ACACA: variants seen among roughly 807,000 people sequenced by gnomAD.
ACACA encodes acetyl-CoA carboxylase alpha, also known as acetyl-CoA carboxylase 1.
In ACACA, 103 loss-of-function variants were observed where a neutral mutation model predicts 296.1. The ratio of observed to expected loss-of-function variants is 0.35; its 90% CI spans 0.30 to 0.41. The LOEUF (loss-of-function observed/expected upper bound fraction) is 0.41, where lower values mean the gene tolerates loss of function less well. Among genes scored for constraint, ACACA ranks in the 10% least tolerant of loss-of-function variants. The pLI, the probability that ACACA is intolerant of heterozygous loss-of-function variation, is 1.00. For synonymous variants in ACACA, 953 were observed against 1,038.6 expected, an observed-to-expected ratio of 0.92 and a Z score of 1.58; for missense variants, 1,554 against 2,989.7, an observed-to-expected ratio of 0.52 and a Z score of 11.20.
At chr17:37,351,772 T>C (rs1207818802) in intron 1 of ACACA, among the ~76,000 whole-genome samples, 1 of 152,150 alleles carries the variant, frequency 6.6e-6, no homozygotes, top group Non-Finnish European at 1.5e-5. Flanking sequence ...AGGCTGGTCT[T>C]GTACTGCTGG....
chr17:37,381,880 G>A (rs749234702), intron 1 of ACACA, among the ~76,000 whole-genome samples: 14 of 152,078 alleles, frequency 9.2e-5, no homozygotes, highest in East Asian at 7.7e-4. Context: ...GCCCGCCTTG[G>A]CCTCCCAAAG....
At chr17:37,276,334 T>C (rs1452648998) in intron 7 of ACACA, among the ~76,000 whole-genome samples, 1 of 152,272 alleles carries the variant, frequency 6.6e-6, no homozygotes, top group Non-Finnish European at 1.5e-5. Context: ...TTATCATTCT[T>C]CATGATCCAA....
chr17:37,388,412 T>G (rs1267682796), intron 1 of ACACA, among the ~76,000 whole-genome samples: 1 of 152,086 alleles, frequency 6.6e-6, no homozygotes, highest in Non-Finnish European at 1.5e-5. Flanking sequence ...CCTATGTGAT[T>G]ATGGAAAATC....
chr17:37,104,944 GA>G (rs66518229), intron 52 of ACACA, among the ~76,000 whole-genome samples: 360 of 56,632 alleles, frequency 6.4e-3, no homozygotes, highest in South Asian at 0.022. Flanking sequence ...GTCTCTGACC[GA>G]AAAAAAAAAA....
chr17:37,291,681 C>T (rs1447765857), intron 3 of ACACA, among the ~76,000 whole-genome samples: 3 of 152,118 alleles, frequency 2.0e-5, no homozygotes, highest in Non-Finnish European at 4.4e-5. Context: ...CTGCCCATGT[C>T]TTCCAATGTT....
chr17:37,263,937 T>G (rs748131533), intron 10 of ACACA, 43 bp from the exon 11 acceptor site: 19 of 1,539,998 alleles, frequency 1.2e-5, no homozygotes, highest in Non-Finnish European at 1.7e-5. Flanking sequence ...TTCTTAAATT[T>G]TAAACTTTTT....
rs1381101667 is a variant in ACACA at position 37,121,423 on chromosome 17, T to C, written c.6206A>G (p.Asp2069Gly). Residue 2069 changes from aspartate to glycine, a missense_variant, in exon 50 of 56, where the codon GAC becomes GGC. Transcript: ENST00000616317. ...CAGAGGCAGCCCTTCCCGGTTGAAG[T>C]CCTTGATGGCCTGATACGTCTTAAA... ...SAFKTYQAIK[D>G]FNREGLPLMV... is the part of the protein sequence containing the mutation. The C allele has an allele frequency of 6.2e-7, 1 of 1,614,134 alleles. No homozygotes were observed.
chr17:37,231,218 T>C (rs1472993289), intron 25 of ACACA, among the ~76,000 whole-genome samples: 1 of 127,806 alleles, frequency 7.8e-6, no homozygotes, highest in Non-Finnish European at 1.7e-5. Context: ...ATCTTTAATT[T>C]AAAAAAAAAA....
chr17:37,120,325 G>A (rs2074467909), intron 50 of ACACA, among the ~76,000 whole-genome samples: 1 of 151,826 alleles, frequency 6.6e-6, no homozygotes, highest in Admixed American at 6.6e-5. Context: ...AAGTGCAGTG[G>A]CACAATCTTG....
chr17:37,317,605 C>A (rs2047157765), intron 3 of ACACA, among the ~76,000 whole-genome samples: 1 of 152,116 alleles, frequency 6.6e-6, no homozygotes, highest in African/African-American at 2.4e-5. Context: ...TAATAATAAA[C>A]CTACATTACT....
chr17:37,151,350 A>G lies in ACACA; in HGVS notation c.5519T>C (p.Ile1840Thr), dbSNP rs1337932628. ...ATAGGCCAATGAGGATTCTCCAGCA[A>G]TCATTCCAGAACCTCGAAGGTTCTC... ...GPENLRGSGM[I>T]AGESSLAYNE... The change falls in exon 44 of 56, where the codon ATT becomes ACT. Residue 1840 changes from isoleucine to threonine, a missense_variant. By Grantham distance (89) the Ile-to-Thr change is moderately conservative. Around this residue, in one of 16 missense-constraint regions of ACACA, gnomAD observed 553 missense variants for 1,043.6 expected, o/e 0.53. Transcript: ENST00000616317. The G allele has an allele frequency of 3.7e-6, 6 of 1,613,964 alleles. No homozygotes were observed. Among genetic ancestry groups the G allele is most frequent in the African/African-American group, 1.3e-5 (1 of 74,936 alleles).
chr17:37,157,288 G>C (rs2076288327), intron 42 of ACACA, among the ~76,000 whole-genome samples: 1 of 152,194 alleles, frequency 6.6e-6, no homozygotes, highest in Non-Finnish European at 1.5e-5. Context: ...CAAATGCACT[G>C]AGGCATGATG....
At chr17:37,098,950 G>A (rs1157589168) in intron 52 of ACACA, among the ~76,000 whole-genome samples, 2 of 152,206 alleles carry the variant, frequency 1.3e-5, no homozygotes, top group Non-Finnish European at 2.9e-5. Context: ...GCCTAGTAAG[G>A]AGGAGTAAGC....
At chr17:37,169,848 T>C (rs2076818574) in intron 41 of ACACA, among the ~76,000 whole-genome samples, 1 of 152,130 alleles carries the variant, frequency 6.6e-6, no homozygotes, top group African/African-American at 2.4e-5. Context: ...ATGCCAGGAC[T>C]AAGAGCTGAA....
chr17:37,191,436 G>A (rs2077746242), intron 37 of ACACA, among the ~76,000 whole-genome samples, 161 bp from the exon 38 acceptor site: 1 of 152,134 alleles, frequency 6.6e-6, no homozygotes, highest in Admixed American at 6.5e-5. Flanking sequence ...ACCACAGGGA[G>A]CAGGGGCAGG....
intron 24 of ACACA, among the ~76,000 whole-genome samples, chr17:37,236,236 T>C (rs553521547): frequency 1.3e-5 from 2 of 152,302 alleles, no homozygotes; most frequent in South Asian, 4.1e-4. Flanking sequence ...AATAAAATTA[T>C]ATTTGAAAAA....
rs1291160462 is a variant in ACACA at position 37,221,951 on chromosome 17, G to A, written c.3565-109C>T. 8.8e-6 allele frequency: 8 copies of A among 904,638 alleles called. No homozygotes were observed. The East Asian group carries it at 2.0e-4, about 23-fold the overall frequency. 56.0% of individuals were successfully genotyped at this position (904,638 alleles called of 1,614,324 possible). Reference sequence around the variant, plus strand: ...TATCTGAGGCAGAAGGTGCTCTGTGGGGAGAGAAGTCCCAAGGCCCTATGT... The same window carrying A: ...TATCTGAGGCAGAAGGTGCTCTGTGAGGAGAGAAGTCCCAAGGCCCTATGT... On this transcript the variant is annotated intron_variant, in intron 28 of 55. Transcript: ENST00000616317.
At chr17:37,399,471 G>A in intron 1 of ACACA, among the ~76,000 whole-genome samples, 1 of 152,160 alleles carries the variant, frequency 6.6e-6, no homozygotes, top group East Asian at 1.9e-4. Context: ...TAATTTAGGA[G>A]CCTGTTTTGA....
chr17:37,223,287 G>A (rs2079380246), intron 28 of ACACA, among the ~76,000 whole-genome samples: 1 of 152,196 alleles, frequency 6.6e-6, no homozygotes, highest in African/African-American at 2.4e-5. Context: ...AATGCTGGCA[G>A]CTATTTTCCT....
Sources: allele counts gnomAD v4.1 joint callset (sites outside exome capture counted in the v4.1 genomes callset), GRCh38; gene constraint gnomAD v4.1.1; regional missense constraint gnomAD v4.1.1; transcripts MANE v1.5; gene names NCBI Gene and HGNC (gene_info 2026-07-23, HGNC 2026-07-21).